KCNJ15: variants seen among roughly 807,000 people sequenced by gnomAD.
KCNJ15 encodes the protein potassium inwardly rectifying channel subfamily J member 15, also known as ATP-sensitive inward rectifier potassium channel 15.
A neutral mutation model predicts 23.0 loss-of-function variants in KCNJ15; 14 were observed. The observed-to-expected ratio is 0.61, with a 90% confidence interval of 0.40 to 0.95. KCNJ15 has a LOEUF of 0.95. Ranked by LOEUF, KCNJ15 falls within the 40% of genes least tolerant of loss-of-function variation. KCNJ15 has a pLI of 0.00. For missense variants in KCNJ15, 388 were observed against 461.8 expected (o/e 0.84, Z 1.46); for synonymous variants, 185 against 183.2 (o/e 1.01, Z -0.08).
intron 1 of KCNJ15, among the ~76,000 whole-genome samples, chr21:38,286,165 C>A (rs1983876391): frequency 6.6e-6 from 1 of 152,132 alleles, no homozygotes; most frequent in South Asian, 2.1e-4. Context: ...ATGGCATGAA[C>A]CTGGGAGGCG....
In KCNJ15 at chr21:38,304,726, T is replaced by C. The variant is rs1408366795; in HGVS notation, c.*4337T>C. 9.5e-6 allele frequency: 1 copy of C among 105,444 alleles called. No individual in the cohort carries two copies. The highest frequency in any genetic ancestry group is 1.9e-5 in the Non-Finnish European group (1 of 51,970). The allele number at this position is 105,444 out of a possible 1,614,324, so 6.5% of individuals were successfully genotyped here. A position where few individuals can be genotyped will look rare whatever the true frequency, so the allele number is the denominator to read the frequency against. ...GGTCTCGCTCTGTCGCCCAGGCTGC[T>C]AGAGTGCAGTGGCGCGATTTCGGCT... On this transcript the variant is annotated 3_prime_UTR_variant, in exon 3 of 3. Coordinates refer to ENST00000398938, the MANE Select transcript of KCNJ15 (RefSeq NM_170736.3).
At chr21:38,233,841 ATTG>A (rs933164127) in intron 1 of KCNJ15, among the ~76,000 whole-genome samples, 72 of 152,176 alleles carry the variant, frequency 4.7e-4, no homozygotes, top group African/African-American at 1.5e-3. Flanking sequence ...CTTTTTTAAT[ATTG>A]TTATTATACA....
At chr21:38,233,952 GA>G (rs1005972889) in intron 1 of KCNJ15, among the ~76,000 whole-genome samples, 34 of 152,000 alleles carry the variant, frequency 2.2e-4, no homozygotes, top group African/African-American at 8.2e-4. Context: ...GAAGAAAGGA[GA>G]GAAATACGTA....
At chr21:38,241,075 A>G (rs1457607052) in intron 1 of KCNJ15, among the ~76,000 whole-genome samples, 1 of 152,190 alleles carries the variant, frequency 6.6e-6, no homozygotes, top group Non-Finnish European at 1.5e-5. Context: ...AATGCCCAGG[A>G]TAGAGAACAT....
chr21:38,231,786 G>A (rs1281592227), intron 1 of KCNJ15, among the ~76,000 whole-genome samples: 3 of 151,706 alleles, frequency 2.0e-5, no homozygotes, highest in Non-Finnish European at 3.0e-5. Flanking sequence ...TTGGATGTTA[G>A]ACCAGCATTA....
rs1014642072 is a variant in KCNJ15 at position 38,305,209 on chromosome 21, C to T, written c.*4820C>T. The T allele has an allele frequency of 1.3e-5, 2 of 152,058 alleles. No individual in the cohort carries two copies. Among genetic ancestry groups the T allele is most frequent in the South Asian group, 4.2e-4 (2 of 4,816 alleles). 9.4% of individuals were successfully genotyped at this position (152,058 alleles called of 1,614,324 possible). A position where few individuals can be genotyped will look rare whatever the true frequency, so the allele number is the denominator to read the frequency against. ...TATCTTGCACCCAATTTCTTTTCAACATCATACATGCTTGGTTGACTGTTT... is the reference window on the plus strand; with the variant it reads ...TATCTTGCACCCAATTTCTTTTCAATATCATACATGCTTGGTTGACTGTTT... On this transcript the variant is annotated 3_prime_UTR_variant, in exon 3 of 3. Coordinates refer to ENST00000398938, the MANE Select transcript of KCNJ15 (RefSeq NM_170736.3).
intron 1 of KCNJ15, among the ~76,000 whole-genome samples, chr21:38,275,519 C>CAAAAAA (rs10709944): frequency 1.1e-5 from 1 of 88,114 alleles, no homozygotes; most frequent in Non-Finnish European, 2.1e-5. Context: ...GAAACTCCGT[C>CAAAAAA]AAAAAAAAAA....
intron 1 of KCNJ15, among the ~76,000 whole-genome samples, chr21:38,278,342 C>T (rs1001106938): frequency 3.3e-5 from 5 of 152,112 alleles, no homozygotes; most frequent in South Asian, 4.1e-4. Flanking sequence ...TAAACATTGT[C>T]GCCACTACTA....
At chr21:38,266,320 G>A (rs970734613) in intron 1 of KCNJ15, among the ~76,000 whole-genome samples, 1 of 152,134 alleles carries the variant, frequency 6.6e-6, no homozygotes, top group African/African-American at 2.4e-5. Context: ...CCCAGTGTGT[G>A]ATGTTCCCCT....
intron 1 of KCNJ15, among the ~76,000 whole-genome samples, chr21:38,236,993 CT>C (rs1248711476): frequency 1.3e-5 from 2 of 152,116 alleles, no homozygotes; most frequent in Non-Finnish European, 2.9e-5. Context: ...GACCCAGTTC[CT>C]TTTCATTTCT....
chr21:38,256,120 TGTG>T (rs1436656343), upstream of KCNJ15, among the ~76,000 whole-genome samples: 1 of 152,020 alleles, frequency 6.6e-6, no homozygotes, highest in East Asian at 1.9e-4. Context: ...CCTCCCTTGA[TGTG>T]GTGGCTGCAA....
At chr21:38,230,052 A>G (rs1234523375) in intron 1 of KCNJ15, among the ~76,000 whole-genome samples, 1 of 152,184 alleles carries the variant, frequency 6.6e-6, no homozygotes, top group African/African-American at 2.4e-5. Context: ...TGGGTATATA[A>G]CTAAGAATAG....
At chr21:38,238,453 GC>G in intron 1 of KCNJ15, 1 of 665,202 alleles carries the variant, frequency 1.5e-6, no homozygotes, top group East Asian at 3.3e-5. Flanking sequence ...GGTGTCCTTG[GC>G]CTGGCGGTCT....
chr21:38,294,478 TGTAA>T (rs1462017891), intron 1 of KCNJ15, among the ~76,000 whole-genome samples: 2 of 152,188 alleles, frequency 1.3e-5, no homozygotes, highest in East Asian at 1.9e-4. Context: ...CCCATTTTTC[TGTAA>T]GTGAGAAATG....
chr21:38,299,075 T>G lies in KCNJ15; in HGVS notation c.-18-169T>G, dbSNP rs769831835. Among the ~76,000 whole-genome samples, 1 of 152,232 alleles carries G rather than the reference T, an allele frequency of 6.6e-6. No individual in the cohort carries two copies. The highest frequency in any genetic ancestry group is 1.5e-5 in the Non-Finnish European group (1 of 68,042). ...TGCTTTTCTGCAAAGCCTCTGCTCC[T>G]CACTCTACCCTACCGACCACCTAAG... On this transcript the variant is annotated intron_variant, in intron 2 of 2. Coordinates refer to ENST00000398938, the MANE Select transcript of KCNJ15 (RefSeq NM_170736.3). The surrounding 1 kb of genome is among the most constrained non-coding windows in gnomAD (Gnocchi z 4.5).
chr21:38,258,895 C>T (rs1980572789), intron 1 of KCNJ15, among the ~76,000 whole-genome samples: 1 of 152,104 alleles, frequency 6.6e-6, no homozygotes, highest in Non-Finnish European at 1.5e-5. Flanking sequence ...GCCAGCAAAC[C>T]TGAGAAGCCA....
rs963462359 is a variant in KCNJ15, at chr21:38,232,237, A to G, written c.-398-24809A>G. On this transcript the variant is annotated intron_variant, in intron 1 of 4. Transcript: ENST00000547341. ...ATTTCATTTATGTCCATGGCATACA[A>G]TCTTTCATACCATTCCCTTATAATA... 4.6e-5 allele frequency among the ~76,000 whole-genome samples: 7 copies of G among 151,740 alleles called. No homozygotes were observed. In the South Asian group the frequency reaches 1.4e-3, roughly 31 times the overall value.
intron 1 of KCNJ15, among the ~76,000 whole-genome samples, chr21:38,251,323 G>T (rs909619300): frequency 6.6e-6 from 1 of 152,228 alleles, no homozygotes; most frequent in African/African-American, 2.4e-5. Flanking sequence ...TGTGGTGTAA[G>T]GTTGCACCAA....
intron 1 of KCNJ15, among the ~76,000 whole-genome samples, chr21:38,282,675 G>A (rs753566485): frequency 6.6e-6 from 1 of 152,090 alleles, no homozygotes; most frequent in Non-Finnish European, 1.5e-5. Context: ...TACTAAATCG[G>A]ACGCTGAGTC....
Sources: gnomAD v4.1 joint callset for allele counts (sites outside exome capture counted in the v4.1 genomes callset) on GRCh38, gnomAD v4.1.1 for gene constraint, Gnocchi (gnomAD v3.1) non-coding constraint, MANE v1.5 for transcripts, NCBI Gene and HGNC (gene_info 2026-07-23, HGNC 2026-07-21) for gene names.